Variants in CNTNAP2 observed in about 807,000 individuals in gnomAD.
The protein encoded by CNTNAP2 is contactin associated protein 2, also known as contactin-associated protein-like 2.
In CNTNAP2, 98 loss-of-function variants were observed where a neutral mutation model predicts 155.2. The ratio of observed to expected loss-of-function variants is 0.63; its 90% CI spans 0.54 to 0.75. The LOEUF is 0.75. CNTNAP2 is among the 30% of genes least tolerant of loss of function. The pLI, the probability that CNTNAP2 is intolerant of heterozygous loss-of-function variation, is 0.00. For synonymous variants in CNTNAP2, 651 were observed against 631.2 expected, an observed-to-expected ratio of 1.03 and a Z score of -0.47; for missense variants, 1,727 against 1,688.1, an observed-to-expected ratio of 1.02 and a Z score of -0.40.
chr7:146,654,682 A>G (rs546468216), intron 1 of CNTNAP2, among the ~76,000 whole-genome samples: 1 of 152,304 alleles, frequency 6.6e-6, no homozygotes, highest in African/African-American at 2.4e-5. Context: ...TGTTTAATAC[A>G]TCACTTTCCT....
Position 147,585,791 on chromosome 7 carries a change from A to G in CNTNAP2, c.1897+23534A>G, listed in dbSNP as rs531687141. ...TGTATATATATGTGTGTGTGTGTGT[A>G]TATATGTGTGTGTGTATATATATCT... is the stretch of plus-strand genomic sequence containing the variant. On this transcript the variant is annotated intron_variant, in intron 12 of 23. Transcript: ENST00000361727. Among the ~76,000 whole-genome samples, 936 of 151,074 alleles carry G rather than the reference A, an allele frequency of 6.2e-3. 29 individuals are homozygous for G. The highest frequency in any genetic ancestry group is 0.057 in the South Asian group (271 of 4,774).
intron 1 of CNTNAP2, among the ~76,000 whole-genome samples, chr7:146,597,426 G>T (rs1798879592): frequency 6.6e-6 from 1 of 151,918 alleles, no homozygotes; most frequent in Non-Finnish European, 1.5e-5. Flanking sequence ...AATACATTGA[G>T]CATAACCACA....
intron 1 of CNTNAP2, among the ~76,000 whole-genome samples, chr7:146,349,445 T>G (rs976340810): frequency 6.6e-6 from 1 of 152,330 alleles, no homozygotes; most frequent in Admixed American, 6.5e-5. Context: ...AATTGCAAAC[T>G]TATGCATCTA....
At chr7:148,182,927 A>G (rs186707244) in intron 18 of CNTNAP2, among the ~76,000 whole-genome samples, 4 of 152,350 alleles carry the variant, frequency 2.6e-5, no homozygotes, top group Non-Finnish European at 5.9e-5. Context: ...AAGTTCTATA[A>G]GGCAAAGACT....
At chr7:147,109,273 G>A (rs1265884072) in intron 5 of CNTNAP2, among the ~76,000 whole-genome samples, 1 of 152,144 alleles carries the variant, frequency 6.6e-6, no homozygotes, top group Non-Finnish European at 1.5e-5. Flanking sequence ...AATAATTTTA[G>A]TGGTACATTC....
chr7:147,601,644 A>AAAAAAAAAAT (rs1299075338), intron 12 of CNTNAP2, among the ~76,000 whole-genome samples: 1 of 87,468 alleles, frequency 1.1e-5, no homozygotes, highest in African/African-American at 4.3e-5. Context: ...CTTAAAAAAA[A>AAAAAAAAAAT]ATATATATAT....
chr7:146,721,877 A>G lies in CNTNAP2; in HGVS notation c.98-52394A>G, dbSNP rs190076840. On this transcript the variant is annotated intron_variant, in intron 1 of 23. Transcript: ENST00000361727. ...CATTTATATGTGTGTGTGTGTGTGT[A>G]TATATATATATATTTTTTTTTTTTT... is the stretch of plus-strand genomic sequence containing the variant. 6.2e-3 allele frequency among the ~76,000 whole-genome samples: 494 copies of G among 79,398 alleles called. 21 individuals carry two copies. Among genetic ancestry groups the G allele is most frequent in the African/African-American group, 0.062 (279 of 4,498 alleles). The allele number at this position is 79,398 out of a possible 152,430, so 52.1% of individuals were successfully genotyped here.
At chr7:148,379,284 TAA>T (rs982782771) in intron 21 of CNTNAP2, among the ~76,000 whole-genome samples, 5 of 152,026 alleles carry the variant, frequency 3.3e-5, no homozygotes, top group Non-Finnish European at 7.4e-5. Flanking sequence ...TAGAAAACTA[TAA>T]GATATAAAAC....
intron 15 of CNTNAP2, among the ~76,000 whole-genome samples, chr7:148,035,572 G>A (rs538822876): frequency 1.4e-4 from 22 of 152,288 alleles, no homozygotes; most frequent in African/African-American, 4.8e-4. Context: ...GGCACACAAA[G>A]TACATTAGCT....
chr7:147,033,172 AT>A (rs1799072700), intron 3 of CNTNAP2, among the ~76,000 whole-genome samples: 1 of 46,586 alleles, frequency 2.1e-5, no homozygotes, highest in Admixed American at 1.6e-4. Context: ...ATATATATAT[AT>A]ATATATATAT....
chr7:147,686,753 T>A (rs1161019250), intron 13 of CNTNAP2, among the ~76,000 whole-genome samples: 4 of 151,962 alleles, frequency 2.6e-5, no homozygotes, highest in African/African-American at 9.6e-5. Context: ...ATATTGCAAA[T>A]GTAATATACT....
chr7:148,126,158 A>T (rs1804712978), intron 16 of CNTNAP2, among the ~76,000 whole-genome samples: 1 of 152,200 alleles, frequency 6.6e-6, no homozygotes, highest in South Asian at 2.1e-4. Context: ...TAAATGGAAA[A>T]GGAAGTTTCA....
intron 13 of CNTNAP2, among the ~76,000 whole-genome samples, chr7:147,818,649 A>G (rs866199658): frequency 2.0e-5 from 3 of 152,182 alleles, no homozygotes; most frequent in Middle Eastern, 3.2e-3. Flanking sequence ...TAAAAAATGC[A>G]ATTCTATCTT....
At chr7:147,453,064 G>A (rs936213229) in intron 10 of CNTNAP2, among the ~76,000 whole-genome samples, 2 of 152,064 alleles carry the variant, frequency 1.3e-5, no homozygotes, top group African/African-American at 4.8e-5. Flanking sequence ...ATGTGAGAAA[G>A]TAGAAAAGGG....
intron 1 of CNTNAP2, among the ~76,000 whole-genome samples, chr7:146,412,758 A>T (rs1795884774): frequency 6.6e-6 from 1 of 152,224 alleles, no homozygotes; most frequent in South Asian, 2.1e-4. Context: ...ACATAGAAGT[A>T]GAGTTTGGCA....
At chr7:147,908,269 T>C (rs1409710301) in intron 14 of CNTNAP2, among the ~76,000 whole-genome samples, 1 of 152,168 alleles carries the variant, frequency 6.6e-6, no homozygotes, top group Non-Finnish European at 1.5e-5. Context: ...GAAGAGCAAG[T>C]ACAGGTCTCC....
At chr7:147,364,794 A>G (rs1448846701) in intron 9 of CNTNAP2, among the ~76,000 whole-genome samples, 1 of 151,646 alleles carries the variant, frequency 6.6e-6, no homozygotes. Context: ...GCTTGCGGTG[A>G]GCCGAGATCG....
At chr7:146,354,830 T>G (rs13233315) in intron 1 of CNTNAP2, among the ~76,000 whole-genome samples, 60 of 152,320 alleles carry the variant, frequency 3.9e-4, no homozygotes, top group African/African-American at 1.4e-3. Flanking sequence ...AATTGAGTTG[T>G]GTCTTTGGGT....
In CNTNAP2 at chr7:146,569,371, T is replaced by C. The variant is rs1194524037; in HGVS notation, c.98-204900T>C. On this transcript the variant is annotated intron_variant, in intron 1 of 23. Coordinates refer to ENST00000361727, the MANE Select transcript of CNTNAP2 (RefSeq NM_014141.6). ...GTCATCACAGTGAAATTCTTTGTGCTATCTTCACCATGGGAATCTTTCTGT... is the reference window on the plus strand; with the variant it reads ...GTCATCACAGTGAAATTCTTTGTGCCATCTTCACCATGGGAATCTTTCTGT... Among the ~76,000 whole-genome samples, 5 of 152,224 alleles carry C rather than the reference T, an allele frequency of 3.3e-5. No individual in the cohort carries two copies. The East Asian group carries it at 7.7e-4, about 23-fold the overall frequency.
Sources: allele counts gnomAD v4.1 joint callset (sites outside exome capture counted in the v4.1 genomes callset), GRCh38; gene constraint gnomAD v4.1.1; transcripts MANE v1.5; gene names NCBI Gene and HGNC (gene_info 2026-07-23, HGNC 2026-07-21).